The following ESR1 variants were observed in gnomAD, a reference collection of about 807,000 sequenced individuals.
The protein encoded by ESR1 is estrogen receptor.
In ESR1, 12 loss-of-function variants were observed where a neutral mutation model predicts 52.7. The ratio of observed to expected loss-of-function variants is 0.23; its 90% CI spans 0.15 to 0.37. The LOEUF (loss-of-function observed/expected upper bound fraction) is 0.37, where lower values mean the gene tolerates loss of function less well. Among genes scored for constraint, ESR1 ranks in the 10% least tolerant of loss-of-function variants. The pLI is 1.00. For missense variants in ESR1, 584 were observed against 779.7 expected (o/e 0.75, Z 2.99); for synonymous variants, 305 against 316.8 (o/e 0.96, Z 0.39).
chr6:152,085,833 A>G (rs1025030923), intron 6 of ESR1, among the ~76,000 whole-genome samples: 1 of 152,216 alleles, frequency 6.6e-6, no homozygotes, highest in Non-Finnish European at 1.5e-5. Context: ...CCCAGATCCC[A>G]TATCTCCATG....
At chr6:151,932,304 GT>G (rs1363428680) in intron 3 of ESR1, among the ~76,000 whole-genome samples, 8 of 146,976 alleles carry the variant, frequency 5.4e-5, no homozygotes, top group African/African-American at 2.0e-4. Context: ...GGGGTTGTTT[GT>G]TTTTTTCTTG....
At chr6:151,993,920 A>C (rs983053955) in intron 4 of ESR1, among the ~76,000 whole-genome samples, 1 of 152,134 alleles carries the variant, frequency 6.6e-6, no homozygotes, top group African/African-American at 2.4e-5. Context: ...TACCATGGAT[A>C]TCTCTCTCTA....
rs774317818 is a variant in ESR1 at position 152,122,616 on chromosome 6, GC to G, written c.851-2649del. ...CTCGGAGGACTCTGAACAGGAAGCC[GC>G]GGCCGGACCGACCTGGCCCTGGCTC... On this transcript the variant is annotated intron_variant, in intron 6 of 6. Coordinates refer to the ESR1 transcript ENST00000427531. 2.5e-6 allele frequency: 4 copies of G among 1,614,066 alleles called. No individual in the cohort carries two copies. The highest frequency in any genetic ancestry group is 1.3e-5 in the African/African-American group (1 of 74,942).
chr6:151,946,082 TTAA>T (rs2035667476), intron 4 of ESR1, among the ~76,000 whole-genome samples: 1 of 152,258 alleles, frequency 6.6e-6, no homozygotes, highest in African/African-American at 2.4e-5. Flanking sequence ...ACATTATAAG[TTAA>T]TTGTTGGAAT....
intron 2 of ESR1, among the ~76,000 whole-genome samples, chr6:151,765,282 G>C (rs1784962128): frequency 6.6e-6 from 1 of 152,108 alleles, no homozygotes; most frequent in African/African-American, 2.4e-5. Flanking sequence ...GAAAAAAATA[G>C]ATTCAGACAC....
At chr6:151,668,707 T>C (rs1490630208) in intron 1 of ESR1, among the ~76,000 whole-genome samples, 1 of 152,182 alleles carries the variant, frequency 6.6e-6, no homozygotes, top group Non-Finnish European at 1.5e-5. Flanking sequence ...CTCCTGAGTT[T>C]TGGAGGGTGC....
At chr6:151,795,227 C>T (rs1776574702) in intron 2 of ESR1, among the ~76,000 whole-genome samples, 1 of 151,858 alleles carries the variant, frequency 6.6e-6, no homozygotes, top group Admixed American at 6.6e-5. Flanking sequence ...TGGGTCATGC[C>T]TGTAATCCCA....
intron 2 of ESR1, among the ~76,000 whole-genome samples, chr6:151,728,724 C>T (rs1045661689): frequency 6.6e-6 from 1 of 152,192 alleles, no homozygotes; most frequent in Admixed American, 6.5e-5. Flanking sequence ...ACCCTCCACC[C>T]CTCACTGTTT....
At chr6:152,121,417 G>C (rs1363475615) in intron 6 of ESR1, among the ~76,000 whole-genome samples, 1 of 152,132 alleles carries the variant, frequency 6.6e-6, no homozygotes, top group African/African-American at 2.4e-5. Context: ...ATGTGCAAAA[G>C]GAATGGAGAA....
Position 151,711,948 on chromosome 6 carries a change from G to A in ESR1, c.-71+9943G>A, listed in dbSNP as rs114918054. Reference sequence around the variant, plus strand: ...ATGCCTGTGTCCTAAATGGTATTGCGTTGGTTTTCTTCTAGGGTTTTTATG... The same window carrying A: ...ATGCCTGTGTCCTAAATGGTATTGCATTGGTTTTCTTCTAGGGTTTTTATG... On this transcript the variant is annotated intron_variant, in intron 2 of 2. Transcript: ENST00000404742. 3.8e-3 allele frequency among the ~76,000 whole-genome samples: 574 copies of A among 152,194 alleles called. 2 individuals are homozygous for A. Among genetic ancestry groups the A allele is most frequent in the African/African-American group, 0.013 (535 of 41,544 alleles).
chr6:151,672,953 C>G (rs540735952), intron 1 of ESR1, among the ~76,000 whole-genome samples: 14 of 151,314 alleles, frequency 9.3e-5, no homozygotes, highest in Non-Finnish European at 1.8e-4. Context: ...CTCAGCCTCC[C>G]GAGTAGCTGG....
At chr6:151,815,849 A>T (rs1779540698) in intron 1 of ESR1, among the ~76,000 whole-genome samples, 1 of 152,186 alleles carries the variant, frequency 6.6e-6, no homozygotes, top group African/African-American at 2.4e-5. Context: ...CAGCCCTCAG[A>T]CTATAAACAA....
At chr6:152,023,119 A>AG in intron 5 of ESR1, among the ~76,000 whole-genome samples, 1 of 152,280 alleles carries the variant, frequency 6.6e-6, no homozygotes, top group Non-Finnish European at 1.5e-5. Flanking sequence ...TTTAGTAAAG[A>AG]GGAAGGAGGA....
At chr6:151,906,362 G>A (rs1303286924) in intron 3 of ESR1, among the ~76,000 whole-genome samples, 1 of 151,874 alleles carries the variant, frequency 6.6e-6, no homozygotes, top group Non-Finnish European at 1.5e-5. Flanking sequence ...ACCTAGTTAA[G>A]AAAAAGCAGT....
intron 1 of ESR1, among the ~76,000 whole-genome samples, chr6:151,658,001 T>G (rs966586027): frequency 5.3e-5 from 8 of 152,320 alleles, no homozygotes; most frequent in African/African-American, 1.7e-4. Flanking sequence ...TTGGAAAATT[T>G]TGTAGGCTAG....
At chr6:151,869,108 T>C (rs1464950518) in intron 2 of ESR1, among the ~76,000 whole-genome samples, 1 of 152,172 alleles carries the variant, frequency 6.6e-6, no homozygotes, top group Non-Finnish European at 1.5e-5. Context: ...GGTTCTGAGT[T>C]TTACCCTCTT....
chr6:151,984,030 C>T (rs1271977246), intron 4 of ESR1: 2 of 152,060 alleles, frequency 1.3e-5, no homozygotes, highest in East Asian at 3.9e-4. Context: ...ACCAACTCTC[C>T]CTGAAGATGA....
intron 4 of ESR1, among the ~76,000 whole-genome samples, chr6:151,981,587 G>A (rs2039997810): frequency 1.3e-5 from 2 of 152,176 alleles, no homozygotes; most frequent in African/African-American, 4.8e-5. Flanking sequence ...ATAAGGCATT[G>A]TTTGATGGCC....
At chr6:151,935,553 C>G (rs2034260486) in intron 3 of ESR1, among the ~76,000 whole-genome samples, 1 of 152,154 alleles carries the variant, frequency 6.6e-6, no homozygotes, top group Non-Finnish European at 1.5e-5. Context: ...CTACCTTCAC[C>G]CTAGAGTCTG....
Sources: allele counts gnomAD v4.1 joint callset (sites outside exome capture counted in the v4.1 genomes callset), GRCh38; gene constraint gnomAD v4.1.1; transcripts MANE v1.5; gene names NCBI Gene and HGNC (gene_info 2026-07-23, HGNC 2026-07-21).